Variants in BHMT observed in about 807,000 individuals in gnomAD.
BHMT encodes betaine--homocysteine S-methyltransferase.
In BHMT, 38 loss-of-function variants were observed where a neutral mutation model predicts 49.5. That is an observed-to-expected ratio of 0.77 (90% CI 0.59 to 1.01). The LOEUF (loss-of-function observed/expected upper bound fraction) is 1.01. Ranked by LOEUF, BHMT falls within the 50% of genes least tolerant of loss-of-function variation. The pLI, the probability that BHMT is intolerant of heterozygous loss-of-function variation, is 0.00. For missense variants in BHMT, 426 were observed against 495.7 expected (o/e 0.86, Z 1.34); for synonymous variants, 166 against 176.3 (o/e 0.94, Z 0.46).
Position 79,115,757 on chromosome 5 carries a change from G to A in BHMT, c.34-10G>A. Reference sequence around the variant, plus strand: ...AGTAACTCCTTTTCCTCCCTCATCTGTAATTTTAGGGCATCCTAGAACGTT... The same window carrying A: ...AGTAACTCCTTTTCCTCCCTCATCTATAATTTTAGGGCATCCTAGAACGTT... On this transcript the variant is annotated splice_polypyrimidine_tract_variant and intron_variant, in intron 1 of 7. Coordinates refer to ENST00000274353, the MANE Select transcript of BHMT (RefSeq NM_001713.3). The A allele has an allele frequency of 6.3e-7, 1 of 1,585,446 alleles. No homozygotes were observed. Among genetic ancestry groups the A allele is most frequent in the Non-Finnish European group, 8.6e-7 (1 of 1,166,210 alleles).
intron 5 of BHMT, among the ~76,000 whole-genome samples, chr5:79,121,924 A>T (rs1205939183): frequency 1.3e-5 from 2 of 151,812 alleles, no homozygotes; most frequent in African/African-American, 4.8e-5. Flanking sequence ...GTTAAACCAA[A>T]TTAAGCAGAT....
chr5:79,129,792 G>T (rs1300276829), intron 7 of BHMT, among the ~76,000 whole-genome samples: 2 of 152,144 alleles, frequency 1.3e-5, no homozygotes, highest in Non-Finnish European at 2.9e-5. Flanking sequence ...TCATGAGGAT[G>T]TGAGGAAGGA....
At chr5:79,116,866 A>C (rs1476255533) in intron 2 of BHMT, among the ~76,000 whole-genome samples, 1 of 152,232 alleles carries the variant, frequency 6.6e-6, no homozygotes, top group Middle Eastern at 3.2e-3. Context: ...TATGGGTTAG[A>C]GTAGGAACCT....
chr5:79,130,686 A>G (rs997863536), intron 7 of BHMT, among the ~76,000 whole-genome samples: 5 of 120,440 alleles, frequency 4.2e-5, no homozygotes, highest in African/African-American at 1.2e-4. Flanking sequence ...GGATAAGTGT[A>G]AGCAAATGAT....
At chr5:79,128,526 T>TC (rs1756589071) in intron 7 of BHMT, among the ~76,000 whole-genome samples, 1 of 59,258 alleles carries the variant, frequency 1.7e-5, no homozygotes. Flanking sequence ...TGAGACCCTG[T>TC]TTTAAAAAAA....
intron 2 of BHMT, among the ~76,000 whole-genome samples, chr5:79,117,337 T>C (rs1756400638): frequency 6.6e-6 from 1 of 152,176 alleles, no homozygotes; most frequent in South Asian, 2.1e-4. Context: ...AGAAACCTAG[T>C]ATATAGGCCT....
At position 79,126,085 on chromosome 5, in the gene BHMT, C is replaced by T. The variant is rs1469184108; in HGVS notation, c.665C>T (p.Thr222Ile). 1 of 1,611,120 alleles carries T rather than the reference C, an allele frequency of 6.2e-7. No individual in the cohort carries two copies. The highest frequency in any genetic ancestry group is 8.5e-7 in the Non-Finnish European group (1 of 1,177,450). ...IIGVNCHFDP[T>I]ISLKTVKLMK... ...GGTGTGAACTGCCACTTTGACCCCA[C>T]CATTAGTTTAAAAACAGTGAAGCTC... Residue 222 changes from threonine (T) to isoleucine (I), a missense_variant, in exon 6 of 8, where the codon ACC (threonine) becomes ATC (isoleucine). Around this residue, in one of 3 missense-constraint regions of BHMT, gnomAD observed 321 missense variants for 355.9 expected, o/e 0.90. Transcript: ENST00000274353.
At chr5:79,121,751 C>T (rs1390206956) in intron 5 of BHMT, among the ~76,000 whole-genome samples, 5 of 145,362 alleles carry the variant, frequency 3.4e-5, no homozygotes, top group South Asian at 2.3e-4. Context: ...GGAGGCGGAG[C>T]TTGCAGTGAG....
intron 5 of BHMT, among the ~76,000 whole-genome samples, chr5:79,124,990 C>T (rs1445462000): frequency 6.6e-6 from 1 of 152,072 alleles, no homozygotes; most frequent in Non-Finnish European, 1.5e-5. Flanking sequence ...TTAAGTTGGC[C>T]TGGTGAAAAG....
At chr5:79,120,305 A>G (rs747129480) in intron 3 of BHMT, 45 bp from the exon 4 acceptor site, 7 of 1,482,820 alleles carry the variant, frequency 4.7e-6, no homozygotes, top group Middle Eastern at 1.8e-4. Flanking sequence ...TTTTATTTCA[A>G]TTTCACATGA....
At chr5:79,126,294 T>A in intron 6 of BHMT, 66 bp downstream of exon 6, 1 of 1,542,542 alleles carries the variant, frequency 6.5e-7, no homozygotes, top group Non-Finnish European at 8.9e-7. Context: ...CTCAAGTAAA[T>A]CTATACCCAG....
intron 7 of BHMT, among the ~76,000 whole-genome samples, chr5:79,129,528 T>G (rs1339792306): frequency 6.6e-6 from 1 of 151,740 alleles, no homozygotes; most frequent in Non-Finnish European, 1.5e-5. Context: ...TGCTCAGGAG[T>G]TATGTAGGAC....
Position 79,111,828 on chromosome 5 carries a change from G to A in BHMT, c.-58G>A. On this transcript the variant is annotated 5_prime_UTR_variant, in exon 1 of 8. Coordinates refer to ENST00000274353, the MANE Select transcript of BHMT (RefSeq NM_001713.3). Reference sequence around the variant, plus strand: ...CGGAGCAGCTCGGGGCTGCGCAGCGGGAAGGCTCGCCTAGTCGGTCCGCAT... The same window carrying A: ...CGGAGCAGCTCGGGGCTGCGCAGCGAGAAGGCTCGCCTAGTCGGTCCGCAT... The A allele has an allele frequency of 6.2e-7, 1 of 1,606,082 alleles. No individual in the cohort carries two copies. The highest frequency in any genetic ancestry group is 1.1e-5 in the South Asian group (1 of 89,842).
chr5:79,112,033 ACTCC>A (rs747190047), intron 1 of BHMT, 115 bp downstream of exon 1: 131 of 1,186,212 alleles, frequency 1.1e-4, no homozygotes, highest in Non-Finnish European at 1.4e-4. Context: ...TCATCCTCCT[ACTCC>A]CTCCCCTCCC....
At chr5:79,122,863 G>A (rs1172510131) in intron 5 of BHMT, among the ~76,000 whole-genome samples, 1 of 152,090 alleles carries the variant, frequency 6.6e-6, no homozygotes, top group Non-Finnish European at 1.5e-5. Context: ...GTAAGAGAGA[G>A]GAATATGGGA....
rs1756507927 is a variant in BHMT, at chr5:79,123,614, C to A, written c.625+2249C>A. Among the ~76,000 whole-genome samples the A allele has an allele frequency of 2.0e-5, 3 of 152,058 alleles. No individual in the cohort carries two copies. The South Asian group carries it at 6.2e-4, about 32-fold the overall frequency. ...TTGCCCAGGCTGGAGTGCAATGGCA[C>A]CGTCTTGGCTCACTGTAACCTCCAC... is the stretch of plus-strand genomic sequence containing the variant. On this transcript the variant is annotated intron_variant, in intron 5 of 7. Transcript: ENST00000274353.
chr5:79,120,690 T>C, intron 4 of BHMT, 149 bp downstream of exon 4: 1 of 751,650 alleles, frequency 1.3e-6, no homozygotes, highest in Non-Finnish European at 2.0e-6. Context: ...AATTCAGGGC[T>C]ACTACTAAAT....
At position 79,114,546 on chromosome 5, in the gene BHMT, T is replaced by C. The variant is rs570733374; in HGVS notation, c.34-1221T>C. Among the ~76,000 whole-genome samples, 71 of 152,328 alleles carry C rather than the reference T, an allele frequency of 4.7e-4. 1 individual carries two copies. The highest frequency in any genetic ancestry group is 6.8e-3 in the Middle Eastern group (2 of 294). On this transcript the variant is annotated intron_variant, in intron 1 of 7. Coordinates refer to ENST00000274353, the MANE Select transcript of BHMT (RefSeq NM_001713.3). ...ACAGATTTCTGGAATCTTGTTATTA[T>C]GTCAGCTTTTGTTTTATCCACTGTT...
At chr5:79,113,642 A>C (rs1756340414) in intron 1 of BHMT, among the ~76,000 whole-genome samples, 1 of 152,244 alleles carries the variant, frequency 6.6e-6, no homozygotes, top group African/African-American at 2.4e-5. Context: ...TGTTGAGGCA[A>C]ATATGCACTT....
Sources: gnomAD v4.1 joint callset for allele counts (sites outside exome capture counted in the v4.1 genomes callset) on GRCh38, gnomAD v4.1.1 for gene constraint, gnomAD v4.1.1 regional missense constraint, MANE v1.5 for transcripts, NCBI Gene and HGNC (gene_info 2026-07-23, HGNC 2026-07-21) for gene names.